The following PNLIPRP1 variants were observed in gnomAD, a reference collection of about 807,000 sequenced individuals.
PNLIPRP1 encodes pancreatic lipase related protein 1.
PNLIPRP1 carries 57 observed loss-of-function variants against 54.6 expected under a neutral mutation model. That is an observed-to-expected ratio of 1.04 (90% CI 0.84 to 1.30). PNLIPRP1 has a LOEUF of 1.30. Among genes scored for constraint, PNLIPRP1 ranks in the 50% most tolerant of loss-of-function variants. The pLI is 0.00. For synonymous variants in PNLIPRP1, 232 were observed against 208.8 expected, an observed-to-expected ratio of 1.11 and a Z score of -0.96; for missense variants, 567 against 568.5, an observed-to-expected ratio of 1.00 and a Z score of 0.03.
At chr10:116,595,249 G>A in intron 5 of PNLIPRP1, 1 of 234,324 alleles carries the variant, frequency 4.3e-6, no homozygotes, top group East Asian at 9.9e-5. Context: ...CATGGCCAGA[G>A]AGAGCCACAG....
intron 8 of PNLIPRP1, among the ~76,000 whole-genome samples, chr10:116,598,917 T>C (rs1164609837): frequency 6.6e-6 from 1 of 152,182 alleles, no homozygotes. Context: ...CTGAATTTCA[T>C]CAAAATGGCT....
rs782548306 is a variant in PNLIPRP1, at chr10:116,601,088, G to A, written c.950G>A (p.Cys317Tyr). The change falls in exon 10 of 13, where the codon TGT becomes TAT. Residue 317 changes from cysteine (C) to tyrosine (Y), a missense_variant. By Grantham distance (194) the Cys-to-Tyr change is radical. Transcript: ENST00000358834. Reference sequence around the variant, plus strand: ...TCTCATTAGGACAAGTGCTTCCCGTGTCCAGATCAAGGATGCCCACAGATG... The same window carrying A: ...TCTCATTAGGACAAGTGCTTCCCGTATCCAGATCAAGGATGCCCACAGATG... ...KSFESDKCFP[C>Y]PDQGCPQMGH... 11 of 1,613,230 alleles carry A rather than the reference G, an allele frequency of 6.8e-6. No homozygotes were observed. Among genetic ancestry groups the A allele is most frequent in the Non-Finnish European group, 9.3e-6 (11 of 1,179,784 alleles).
chr10:116,592,452 T>C lies in PNLIPRP1; in HGVS notation c.241T>C (p.Ser81Pro). Residue 81 changes from serine to proline, a missense_variant, in exon 4 of 13, where the codon TCA becomes CCA. Coordinates refer to ENST00000358834, the MANE Select transcript of PNLIPRP1 (RefSeq NM_006229.4). ...LLSDPSTIEA[S>P]NFQMDRKTRF... ...CTCTGATCCATCAACAATTGAGGCA[T>C]CAAATTTTCAAATGGACAGAAAGAC... 6.2e-7 allele frequency: 1 copy of C among 1,613,110 alleles called. No individual in the cohort carries two copies. Among genetic ancestry groups the C allele is most frequent in the Non-Finnish European group, 8.5e-7 (1 of 1,179,296 alleles).
At chr10:116,603,962 G>A in intron 10 of PNLIPRP1, 68 bp from the exon 11 acceptor site, 1 of 786,350 alleles carries the variant, frequency 1.3e-6, no homozygotes, top group Middle Eastern at 2.4e-4. Context: ...AAGAGAAGGA[G>A]ACAAGTCTGG....
chr10:116,597,960 A>T lies in PNLIPRP1; in HGVS notation c.694+13A>T. On this transcript the variant is annotated intron_variant, in intron 7 of 12. Coordinates refer to ENST00000358834, the MANE Select transcript of PNLIPRP1 (RefSeq NM_006229.4). ...ATCCCATTCTTGGGTGAGACCTATG[A>T]TGCTCCAGCTGTGAGCACGCACAAC... 1.2e-6 allele frequency: 2 copies of T among 1,614,200 alleles called. No homozygotes were observed. Among genetic ancestry groups the T allele is most frequent in the Non-Finnish European group, 1.7e-6 (2 of 1,180,038 alleles).
chr10:116,600,350 G>C, intron 9 of PNLIPRP1, 185 bp downstream of exon 9: 1 of 512,830 alleles, frequency 1.9e-6, no homozygotes, highest in Non-Finnish European at 3.5e-6. Flanking sequence ...TAAAATTTTA[G>C]ATGACATGAG....
chr10:116,602,062 C>T lies in PNLIPRP1; in HGVS notation c.1063+861C>T, dbSNP rs1847853455. Among the ~76,000 whole-genome samples the T allele has an allele frequency of 2.7e-5, 4 of 148,240 alleles. No homozygotes were observed. In the Admixed American group the frequency reaches 2.7e-4, roughly 10 times the overall value. ...ACGGAGTCTCGCTGTGTCGCCCAGGCTGGAGTGCAGAGGCGCAATCTTGGC... is the reference window on the plus strand; with the variant it reads ...ACGGAGTCTCGCTGTGTCGCCCAGGTTGGAGTGCAGAGGCGCAATCTTGGC... On this transcript the variant is annotated intron_variant, in intron 10 of 12. Coordinates refer to ENST00000358834, the MANE Select transcript of PNLIPRP1 (RefSeq NM_006229.4).
Position 116,596,342 on chromosome 10 carries a change from G to A in PNLIPRP1, c.574+20G>A, listed in dbSNP as rs367689519. 28 of 1,500,568 alleles carry A rather than the reference G, an allele frequency of 1.9e-5. No homozygotes were observed. The African/African-American group carries it at 3.2e-4, about 17-fold the overall frequency. 93.0% of individuals were successfully genotyped at this position (1,500,568 alleles called of 1,614,324 possible). The stretch of plus-strand genomic sequence containing the variant: ...TTACAGGTAAGGCCCCAGAGGCAGG[G>A]CCCCAGTTTTGTCCCCAGAAACCCC... On this transcript the variant is annotated intron_variant, in intron 6 of 12. Transcript: ENST00000358834.
At chr10:116,596,673 C>T (rs1254853536) in intron 6 of PNLIPRP1, among the ~76,000 whole-genome samples, 1 of 152,086 alleles carries the variant, frequency 6.6e-6, no homozygotes, top group Non-Finnish European at 1.5e-5. Flanking sequence ...CAAGGAGGGT[C>T]TATATTGCCA....
intron 3 of PNLIPRP1, 53 bp downstream of exon 3, chr10:116,591,978 C>T: frequency 1.3e-6 from 2 of 1,579,546 alleles, no homozygotes; most frequent in Non-Finnish European, 1.7e-6. Context: ...GCTATGCCCA[C>T]CCTGCAGACC....
At chr10:116,599,083 C>T (rs542715659) in intron 8 of PNLIPRP1, among the ~76,000 whole-genome samples, 42 of 151,838 alleles carry the variant, frequency 2.8e-4, no homozygotes, top group African/African-American at 1.0e-3. Context: ...GGTAAAACCC[C>T]GTCTCTACTA....
At chr10:116,596,009 G>A (rs2133230932) in intron 5 of PNLIPRP1, 3 of 540,558 alleles carry the variant, frequency 5.5e-6, no homozygotes, top group Non-Finnish European at 6.7e-6. Flanking sequence ...GGGTCTGAAA[G>A]TTCAACAAAG....
At position 116,602,777 on chromosome 10, in the gene PNLIPRP1, G is replaced by A. The variant is rs904638910; in HGVS notation, c.1064-1253G>A. Among the ~76,000 whole-genome samples the A allele has an allele frequency of 1.1e-4, 17 of 152,356 alleles. No individual in the cohort carries two copies. The East Asian group carries it at 3.1e-3, about 28-fold the overall frequency. Reference sequence around the variant, plus strand: ...AGTGTGTTTGTGTATGTACCTTTGTGTGTATGCATGTGTTTATATACGTAT... The same window carrying A: ...AGTGTGTTTGTGTATGTACCTTTGTATGTATGCATGTGTTTATATACGTAT... On this transcript the variant is annotated intron_variant, in intron 10 of 12. Transcript: ENST00000358834.
chr10:116,598,479 A>G (rs1202432934), intron 8 of PNLIPRP1, among the ~76,000 whole-genome samples: 1 of 152,256 alleles, frequency 6.6e-6, no homozygotes, highest in Admixed American at 6.5e-5. Flanking sequence ...AGGAAATACC[A>G]TAAGAGCAAA....
chr10:116,599,021 G>A (rs1364496922), intron 8 of PNLIPRP1, among the ~76,000 whole-genome samples: 2 of 152,222 alleles, frequency 1.3e-5, no homozygotes, highest in East Asian at 1.9e-4. Context: ...TTGGGAGGCC[G>A]AGGCGGGCAA....
At chr10:116,596,443 T>G in intron 6 of PNLIPRP1, 121 bp downstream of exon 6, 1 of 659,812 alleles carries the variant, frequency 1.5e-6, no homozygotes, top group Non-Finnish European at 2.7e-6. Context: ...GTGATAGAGC[T>G]GCTTGGAGCC....
intron 4 of PNLIPRP1, chr10:116,594,501 G>A: frequency 1.7e-6 from 1 of 594,604 alleles, no homozygotes; most frequent in Non-Finnish European, 3.0e-6. Context: ...AAACCAGAGA[G>A]TAGCCAGCTT....
At chr10:116,598,280 T>C in intron 8 of PNLIPRP1, 114 bp downstream of exon 8, 1 of 1,015,268 alleles carries the variant, frequency 9.8e-7, no homozygotes, top group Non-Finnish European at 1.4e-6. Flanking sequence ...AATATACAAT[T>C]CCCTCTTCTG....
intron 4 of PNLIPRP1, chr10:116,594,449 G>A: frequency 1.9e-6 from 1 of 539,698 alleles, no homozygotes; most frequent in Non-Finnish European, 3.5e-6. Flanking sequence ...TGATGCAATT[G>A]TTTTTCCCTT....
Sources: gnomAD v4.1 joint callset for allele counts (sites outside exome capture counted in the v4.1 genomes callset) on GRCh38, gnomAD v4.1.1 for gene constraint, MANE v1.5 for transcripts, NCBI Gene and HGNC (gene_info 2026-07-23, HGNC 2026-07-21) for gene names.